SLC2A13: variants seen among roughly 807,000 people sequenced by gnomAD.
SLC2A13 encodes proton myo-inositol cotransporter.
Under a neutral mutation model 64.4 loss-of-function variants are expected in SLC2A13, and 32 were observed. The observed-to-expected ratio is 0.50, with a 90% confidence interval of 0.37 to 0.67. The LOEUF (loss-of-function observed/expected upper bound fraction) is 0.67, where lower values mean the gene tolerates loss of function less well. Ranked by LOEUF, SLC2A13 falls within the 30% of genes least tolerant of loss-of-function variation. The pLI, the probability that SLC2A13 is intolerant of heterozygous loss-of-function variation, is 0.00. For missense variants in SLC2A13, 743 were observed against 829.2 expected, an observed-to-expected ratio of 0.90 and a Z score of 1.28; for synonymous variants, 338 against 327.1, an observed-to-expected ratio of 1.03 and a Z score of -0.36.
At chr12:39,868,228 G>C (rs1441141949) in intron 5 of SLC2A13, among the ~76,000 whole-genome samples, 1 of 152,168 alleles carries the variant, frequency 6.6e-6, no homozygotes, top group African/African-American at 2.4e-5. Flanking sequence ...TTCAAGAGAA[G>C]AGTCTCTCTT....
Position 39,966,320 on chromosome 12 carries a change from C to T in SLC2A13, c.926-14955G>A, listed in dbSNP as rs549588320. On this transcript the variant is annotated intron_variant, in intron 3 of 9. Transcript: ENST00000280871. ...CCCCTTTTCTGGCCCTTCTCCACCC[C>T]GATTTTGATAAGGGAAGTGAGGTAC... 4.6e-5 allele frequency among the ~76,000 whole-genome samples: 7 copies of T among 152,008 alleles called. No individual in the cohort carries two copies. In the East Asian group the frequency reaches 7.8e-4, roughly 17 times the overall value.
intron 7 of SLC2A13, among the ~76,000 whole-genome samples, chr12:39,812,893 G>A (rs1187642499): frequency 7.0e-6 from 1 of 141,924 alleles, no homozygotes; most frequent in Non-Finnish European, 1.5e-5. Context: ...GGAGTGTAAT[G>A]GTGTGATCTC....
rs140022537 is a variant in SLC2A13 at position 39,917,632 on chromosome 12, T to C, written c.1034+33625A>G. 2.0e-4 allele frequency among the ~76,000 whole-genome samples: 31 copies of C among 152,140 alleles called. No homozygotes were observed. The East Asian group carries it at 5.8e-3, about 28-fold the overall frequency. ...CCTGCCTCATTGCTGGAGCTGAACA[T>C]CTTATCTCCTCCTGCCCTGGGACTG... On this transcript the variant is annotated intron_variant, in intron 4 of 9. Coordinates refer to ENST00000280871, the MANE Select transcript of SLC2A13 (RefSeq NM_052885.4).
At chr12:39,978,683 A>G (rs28370739) in intron 3 of SLC2A13, among the ~76,000 whole-genome samples, 3 of 152,102 alleles carry the variant, frequency 2.0e-5, no homozygotes, top group Admixed American at 1.3e-4. Context: ...CGCCCACGGA[A>G]TCTCGCGGAT....
Position 39,807,726 on chromosome 12 carries a change from A to G in SLC2A13, c.1445+22377T>C, listed in dbSNP as rs577388612. Reference sequence around the variant, plus strand: ...TCAGGAATTTTGTCCATTTCTTCTAAGTGCACCCTTTCAATTATAATAATT... The same window carrying G: ...TCAGGAATTTTGTCCATTTCTTCTAGGTGCACCCTTTCAATTATAATAATT... On this transcript the variant is annotated intron_variant, in intron 7 of 9. Transcript: ENST00000280871. 2.0e-5 allele frequency among the ~76,000 whole-genome samples: 3 copies of G among 152,188 alleles called. No homozygotes were observed. In the East Asian group the frequency reaches 5.8e-4, roughly 29 times the overall value.
intron 6 of SLC2A13, among the ~76,000 whole-genome samples, chr12:39,833,349 T>G (rs1253679341): frequency 6.6e-6 from 1 of 152,104 alleles, no homozygotes; most frequent in African/African-American, 2.4e-5. Context: ...TTCGCCCTTT[T>G]TTTAAATTCC....
intron 7 of SLC2A13, among the ~76,000 whole-genome samples, chr12:39,770,402 A>C (rs1459482575): frequency 6.6e-6 from 1 of 152,172 alleles, no homozygotes; most frequent in Non-Finnish European, 1.5e-5. Context: ...TCTGAGTTCA[A>C]ATCGTGACTC....
intron 6 of SLC2A13, among the ~76,000 whole-genome samples, chr12:39,833,739 C>T (rs889875419): frequency 6.6e-6 from 1 of 151,950 alleles, no homozygotes; most frequent in Non-Finnish European, 1.5e-5. Flanking sequence ...CAAACACCCA[C>T]AATTCTCTTC....
Position 40,028,516 on chromosome 12 carries a change from A to G in SLC2A13, c.717-7T>C, listed in dbSNP as rs774676501. Reference sequence around the variant, plus strand: ...TGCAAGTCCCAACATGTACCTGCAAAGAAAAAAAATCCACATTTACTGTAA... The same window carrying G: ...TGCAAGTCCCAACATGTACCTGCAAGGAAAAAAAATCCACATTTACTGTAA... On this transcript the variant is annotated splice_region_variant and splice_polypyrimidine_tract_variant and intron_variant, in intron 2 of 9. Transcript: ENST00000280871. The G allele has an allele frequency of 1.2e-6, 2 of 1,611,858 alleles. No individual in the cohort carries two copies. Among genetic ancestry groups the G allele is most frequent in the East Asian group, 4.5e-5 (2 of 44,882 alleles).
intron 3 of SLC2A13, among the ~76,000 whole-genome samples, chr12:39,999,195 C>T (rs1947283481): frequency 6.6e-6 from 1 of 152,074 alleles, no homozygotes; most frequent in African/African-American, 2.4e-5. Context: ...GATTGTAAAA[C>T]ATGTGTGTTT....
At chr12:39,925,963 G>T (rs1459212245) in intron 4 of SLC2A13, among the ~76,000 whole-genome samples, 1 of 151,956 alleles carries the variant, frequency 6.6e-6, no homozygotes, top group Non-Finnish European at 1.5e-5. Context: ...CAATTGTTAG[G>T]ATATCCTATC....
chr12:39,950,945 G>C (rs1162392213), intron 4 of SLC2A13: 2 of 352,212 alleles, frequency 5.7e-6, no homozygotes, highest in Non-Finnish European at 1.0e-5. Flanking sequence ...TTTCCAACCA[G>C]CATCAAGAAA....
chr12:39,954,815 T>A (rs117519568), intron 3 of SLC2A13, among the ~76,000 whole-genome samples: 62 of 152,180 alleles, frequency 4.1e-4, no homozygotes, highest in Admixed American at 7.9e-4. Flanking sequence ...AATATAACAA[T>A]CCTAAACGTG....
chr12:39,992,909 C>T (rs1180488380), intron 3 of SLC2A13, among the ~76,000 whole-genome samples: 1 of 152,168 alleles, frequency 6.6e-6, no homozygotes, highest in Non-Finnish European at 1.5e-5. Flanking sequence ...TGTTATTTTC[C>T]TTTCCTTAAC....
intron 2 of SLC2A13, among the ~76,000 whole-genome samples, chr12:40,031,248 A>C (rs1947898541): frequency 6.6e-6 from 1 of 151,986 alleles, no homozygotes; most frequent in Admixed American, 6.6e-5. Flanking sequence ...TTTTAGATGG[A>C]GTCTCACTCT....
At position 39,995,741 on chromosome 12, in the gene SLC2A13, T is replaced by C. The variant is rs112141863; in HGVS notation, c.925+32560A>G. 9.4e-3 allele frequency among the ~76,000 whole-genome samples: 1,433 copies of C among 152,304 alleles called. 16 individuals are homozygous for C. Among genetic ancestry groups the C allele is most frequent in the African/African-American group, 0.032 (1,341 of 41,550 alleles). ...GTGGGAGGGACCTGGTGAGAGGTCA[T>C]TGAATCATGGGGGGCAGGTATTTTC... On this transcript the variant is annotated intron_variant, in intron 3 of 9. Coordinates refer to ENST00000280871, the MANE Select transcript of SLC2A13 (RefSeq NM_052885.4).
In SLC2A13 at chr12:39,756,073, G is replaced by A. The variant is rs1232754521; in HGVS notation, c.*3953C>T. 6.6e-6 allele frequency: 1 copy of A among 151,928 alleles called. No homozygotes were observed. The highest frequency in any genetic ancestry group is 2.4e-5 in the African/African-American group (1 of 41,404). The allele number at this position is 151,928 out of a possible 1,614,324, so 9.4% of individuals were successfully genotyped here. ...TGAATGTACCGACAATTTATAGACTGCTACAACCTGAACCATTTCATCAAA... is the reference window on the plus strand; with the variant it reads ...TGAATGTACCGACAATTTATAGACTACTACAACCTGAACCATTTCATCAAA... On this transcript the variant is annotated 3_prime_UTR_variant, in exon 10 of 10. Transcript: ENST00000280871.
chr12:40,038,771 GGGGAAA>G (rs71434308), intron 2 of SLC2A13, among the ~76,000 whole-genome samples: 2 of 146,034 alleles, frequency 1.4e-5, no homozygotes, highest in South Asian at 2.1e-4. Flanking sequence ...GGAAAGGGAA[GGGGAAA>G]GGGAAAGGGA....
At chr12:39,832,594 A>G (rs1690380061) in intron 6 of SLC2A13, among the ~76,000 whole-genome samples, 1 of 152,030 alleles carries the variant, frequency 6.6e-6, no homozygotes, top group Non-Finnish European at 1.5e-5. Flanking sequence ...GTGACCTACT[A>G]TGTGCCACAC....
Sources: allele counts gnomAD v4.1 joint callset (sites outside exome capture counted in the v4.1 genomes callset), GRCh38; gene constraint gnomAD v4.1.1; transcripts MANE v1.5; gene names NCBI Gene and HGNC (gene_info 2026-07-23, HGNC 2026-07-21).